The following ABAT variants were observed in gnomAD, a reference collection of about 807,000 sequenced individuals.
ABAT encodes the protein 4-aminobutyrate aminotransferase, also known as 4-aminobutyrate aminotransferase, mitochondrial.
A neutral mutation model predicts 64.6 loss-of-function variants in ABAT; 45 were observed. The ratio of observed to expected loss-of-function variants is 0.70; its 90% CI spans 0.55 to 0.89. The LOEUF is 0.89. Ranked by LOEUF, ABAT falls within the 40% of genes least tolerant of loss-of-function variation. The probability of loss-of-function intolerance (pLI) is 0.00; values close to 1 mark genes in which losing one functional copy is unlikely to be tolerated. For missense variants in ABAT, 633 were observed against 658.4 expected, an observed-to-expected ratio of 0.96 and a Z score of 0.42; for synonymous variants, 297 against 250.5, an observed-to-expected ratio of 1.19 and a Z score of -1.75.
At chr16:8,780,861 C>T in intron 15 of ABAT, 1 of 358,626 alleles carries the variant, frequency 2.8e-6, no homozygotes, top group South Asian at 3.0e-5. Flanking sequence ...GCCTGTCCCT[C>T]CTCCGTAATA....
intron 10 of ABAT, among the ~76,000 whole-genome samples, chr16:8,768,528 A>G (rs1287690029): frequency 1.3e-5 from 2 of 152,238 alleles, no homozygotes; most frequent in Non-Finnish European, 2.9e-5. Flanking sequence ...ATTAATCGCA[A>G]TGCAAACACA....
At chr16:8,683,728 T>C (rs28415910) in intron 1 of ABAT, among the ~76,000 whole-genome samples, 89,065 of 151,686 alleles carry the variant, frequency 0.59, 26,512 homozygotes, top group East Asian at 0.77. Context: ...TATTCTTTTG[T>C]TCATCCAACC....
intron 1 of ABAT, among the ~76,000 whole-genome samples, chr16:8,686,868 AATG>A (rs2057467241): frequency 6.6e-6 from 1 of 152,240 alleles, no homozygotes; most frequent in Non-Finnish European, 1.5e-5. Flanking sequence ...AAAAGTCATC[AATG>A]CTGAATATGA....
chr16:8,774,797 ACC>A, intron 12 of ABAT, 91 bp from the exon 13 acceptor site: 1 of 1,490,694 alleles, frequency 6.7e-7, no homozygotes, highest in South Asian at 1.1e-5. Context: ...ATGTGTGTGG[ACC>A]CAGGGTTTGG....
At chr16:8,704,223 CTGTT>C (rs1429411659) in intron 1 of ABAT, among the ~76,000 whole-genome samples, 2 of 152,226 alleles carry the variant, frequency 1.3e-5, no homozygotes, top group Non-Finnish European at 2.9e-5. Flanking sequence ...TTTTTATAGT[CTGTT>C]TGGAAGCTCA....
At chr16:8,758,923 G>A (rs1221749924) in intron 6 of ABAT, among the ~76,000 whole-genome samples, 1 of 152,062 alleles carries the variant, frequency 6.6e-6, no homozygotes, top group Non-Finnish European at 1.5e-5. Flanking sequence ...CCAGCATGGT[G>A]AAACCCCGTC....
At chr16:8,712,398 G>T (rs1006090214) in intron 1 of ABAT, among the ~76,000 whole-genome samples, 10 of 152,180 alleles carry the variant, frequency 6.6e-5, no homozygotes, top group Non-Finnish European at 1.2e-4. Flanking sequence ...TCATGTTAAT[G>T]GTAGAGGCTA....
Sources: gnomAD v4.1 joint callset for allele counts (sites outside exome capture counted in the v4.1 genomes callset) on GRCh38, gnomAD v4.1.1 for gene constraint, MANE v1.5 for transcripts, NCBI Gene and HGNC (gene_info 2026-07-23, HGNC 2026-07-21) for gene names.